Variants in STAB1 observed in about 807,000 individuals in gnomAD.
STAB1 encodes the protein stabilin 1.
A neutral mutation model predicts 332.4 loss-of-function variants in STAB1; 250 were observed. That is an observed-to-expected ratio of 0.75 (90% CI 0.68 to 0.84). STAB1 has a LOEUF of 0.84. Ranked by LOEUF, STAB1 falls within the 40% of genes least tolerant of loss-of-function variation. The pLI is 0.00. For missense variants in STAB1, 3,249 were observed against 3,489.7 expected (o/e 0.93, Z 1.74); for synonymous variants, 1,475 against 1,390.4 (o/e 1.06, Z -1.35).
chr3:52,522,270 C>T, intron 59 of STAB1, 40 bp downstream of exon 59: 1 of 1,611,244 alleles, frequency 6.2e-7, no homozygotes, highest in Non-Finnish European at 8.5e-7. Flanking sequence ...GGTGGGGAGG[C>T]CTGGCAGAAC....
rs916586772 is a variant in STAB1, at chr3:52,518,632, G to A, written c.4887+19G>A. ...GTCGCAGGTATGCAGCCCCCAGAGC[G>A]AGGCTGGGCAGGGCTGGGTGCTCTG... On this transcript the variant is annotated intron_variant, in intron 47 of 68. Coordinates refer to ENST00000321725, the MANE Select transcript of STAB1 (RefSeq NM_015136.3). 1 of 1,610,172 alleles carries A rather than the reference G, an allele frequency of 6.2e-7. No homozygotes were observed. The highest frequency in any genetic ancestry group is 1.3e-5 in the African/African-American group (1 of 74,868).
In STAB1 at chr3:52,505,399, G is replaced by A. The variant is rs747409400; in HGVS notation, c.1581+18G>A. ...TCCTGGAGGTAAGCTCGGGGGAGGG[G>A]TCCTAGCCCATGTGGGCTTCTGGGC... On this transcript the variant is annotated intron_variant, in intron 14 of 68. Coordinates refer to ENST00000321725, the MANE Select transcript of STAB1 (RefSeq NM_015136.3). 4 of 1,610,906 alleles carry A rather than the reference G, an allele frequency of 2.5e-6. No individual in the cohort carries two copies. The South Asian group carries it at 3.3e-5, about 13-fold the overall frequency.
At chr3:52,515,556 G>T (rs1211236665) in intron 37 of STAB1, 50 bp downstream of exon 37, 1 of 1,599,222 alleles carries the variant, frequency 6.3e-7, no homozygotes, top group South Asian at 1.1e-5. Context: ...AAGGAGGTGG[G>T]AGTGGGTGGG....
Position 52,522,749 on chromosome 3 carries a change from CT to C in STAB1, c.6745-24del, listed in dbSNP as rs750312990. 16 of 1,612,742 alleles carry C rather than the reference CT, an allele frequency of 9.9e-6. No homozygotes were observed. The South Asian group carries it at 1.5e-4, about 15-fold the overall frequency. The stretch of plus-strand genomic sequence containing the variant: ...GGGAGGCCTTGACTGGGTCTTGGGT[CT>C]TAGTATCCCCTCCTGTTCCTACAGC... On this transcript the variant is annotated intron_variant, in intron 61 of 68. Coordinates refer to ENST00000321725, the MANE Select transcript of STAB1 (RefSeq NM_015136.3).
Position 52,518,818 on chromosome 3 carries a change from G to C in STAB1, c.4983G>C (p.Gln1661His). 6.2e-7 allele frequency: 1 copy of C among 1,610,624 alleles called. No homozygotes were observed. The highest frequency in any genetic ancestry group is 8.5e-7 in the Non-Finnish European group (1 of 1,179,618). The change falls in exon 48 of 69, where the codon CAG becomes CAC. Residue 1661 changes from glutamine (Q) to histidine (H), a missense_variant. Physicochemically the swap from Gln to His is conservative, Grantham distance 24 (BLOSUM62 0). Transcript: ENST00000321725. ...TGCGGAGCGAGGACCTGCTGGAGCA[G>C]GGGTACGCCACGGCCCTCTCAGGGC... Reference protein sequence around the residue: ...RRLRSEDLLEQGYATALSGHP... With the variant: ...RRLRSEDLLEHGYATALSGHP...
Position 52,516,548 on chromosome 3 carries a change from C to T in STAB1, c.4247C>T (p.Thr1416Ile), listed in dbSNP as rs751558057. The T allele has an allele frequency of 1.2e-6, 2 of 1,613,194 alleles. No homozygotes were observed. The highest frequency in any genetic ancestry group is 1.1e-5 in the South Asian group (1 of 91,086). The change falls in exon 40 of 69, where the codon ACC becomes ATC. Residue 1416 changes from threonine to isoleucine, a missense_variant. Coordinates refer to ENST00000321725, the MANE Select transcript of STAB1 (RefSeq NM_015136.3). ...TCATCCTCCTGCCCCCCAGAAATCA[C>T]CAGCCCTCAGTGCCCTAGGAAGTGC... ...WQGLRCDQKITSPQCPRKCDP... is the reference protein window; with the variant it reads ...WQGLRCDQKIISPQCPRKCDP...
intron 1 of STAB1, among the ~76,000 whole-genome samples, chr3:52,496,845 C>CT (rs1446538125): frequency 6.6e-6 from 1 of 152,230 alleles, no homozygotes; most frequent in Non-Finnish European, 1.5e-5. Flanking sequence ...GCTGGCCACT[C>CT]TAACACAGCT....
intron 1 of STAB1, among the ~76,000 whole-genome samples, chr3:52,495,865 A>G (rs1707981555): frequency 6.6e-6 from 1 of 152,196 alleles, no homozygotes; most frequent in Non-Finnish European, 1.5e-5. Flanking sequence ...CCCGAGGACT[A>G]CAGATTCACG....
In STAB1 at chr3:52,517,600, C is replaced by A. The variant is rs776251701; in HGVS notation, c.4614C>A (p.Cys1538Ter). 1.9e-6 allele frequency: 3 copies of A among 1,612,764 alleles called. No individual in the cohort carries two copies. Among genetic ancestry groups the A allele is most frequent in the African/African-American group, 2.7e-5 (2 of 74,898 alleles). Reference protein sequence around the residue: ...EGYSGDGIRTCELLDPCSKNN... With the variant: ...EGYSGDGIRT ...ACAGCGGGGATGGCATCCGGACCTG[C>A]GAGCTCCTGGACCCCTGCTCTAAGG... The change falls in exon 44 of 69, where the codon TGC becomes TGA. Residue 1538 changes from cysteine to a stop codon, truncating the protein, a stop_gained. Transcript: ENST00000321725. LOFTEE classifies it high-confidence loss of function.
chr3:52,508,475 C>T (rs750104321), intron 21 of STAB1, 116 bp downstream of exon 21: 1 of 922,612 alleles, frequency 1.1e-6, no homozygotes, highest in East Asian at 2.5e-5. Flanking sequence ...TTGGGATTCT[C>T]ATATCTATGC....
At chr3:52,497,250 A>G (rs1023374866) in intron 1 of STAB1, among the ~76,000 whole-genome samples, 3 of 152,048 alleles carry the variant, frequency 2.0e-5, no homozygotes, top group African/African-American at 7.2e-5. Context: ...TCAGCCTCCC[A>G]AAGTGCTGGG....
Position 52,514,601 on chromosome 3 carries a change from G to T in STAB1, c.3679-100G>T, listed in dbSNP as rs748345292. ...TGTGAGCCTCCAACCTCTAACCTCT[G>T]CTCCAGGGAGCCCCCCGGCCCTGGA... On this transcript the variant is annotated intron_variant, in intron 34 of 68. Coordinates refer to ENST00000321725, the MANE Select transcript of STAB1 (RefSeq NM_015136.3). The T allele has an allele frequency of 8.0e-4, 1,264 of 1,578,656 alleles. 2 individuals carry two copies. Among genetic ancestry groups the T allele is most frequent in the Non-Finnish European group, 8.3e-4 (960 of 1,161,288 alleles).
intron 1 of STAB1, among the ~76,000 whole-genome samples, chr3:52,497,020 G>A (rs1170126515): frequency 6.6e-6 from 1 of 151,872 alleles, no homozygotes; most frequent in Non-Finnish European, 1.5e-5. Context: ...TTTTTCTTTT[G>A]AGGTGGAGTC....
rs1476400796 is a variant in STAB1 at position 52,517,583 on chromosome 3, G to A, written c.4597G>A (p.Asp1533Asn). The change falls in exon 44 of 69, where the codon GAT becomes AAT. Residue 1533 changes from aspartate to asparagine, a missense_variant. Physicochemically the swap from Asp to Asn is conservative, Grantham distance 23. Coordinates refer to ENST00000321725, the MANE Select transcript of STAB1 (RefSeq NM_015136.3). ...CAGCTGCCGTGAGGGTTACAGCGGG[G>A]ATGGCATCCGGACCTGCGAGCTCCT... is the stretch of plus-strand genomic sequence containing the variant. ...SCSCREGYSGDGIRTCELLDP... is the reference protein window; with the variant it reads ...SCSCREGYSGNGIRTCELLDP... The A allele has an allele frequency of 1.4e-5, 23 of 1,612,816 alleles. No homozygotes were observed. Among genetic ancestry groups the A allele is most frequent in the Non-Finnish European group, 1.9e-5 (22 of 1,179,926 alleles).
chr3:52,504,268 C>T, intron 10 of STAB1, 113 bp downstream of exon 10: 1 of 1,493,386 alleles, frequency 6.7e-7, no homozygotes, highest in Non-Finnish European at 9.0e-7. Flanking sequence ...GCTGTGGGAA[C>T]AAACAGGTGG....
intron 45 of STAB1, 69 bp from the exon 46 acceptor site, chr3:52,518,243 G>A: frequency 1.9e-6 from 3 of 1,599,998 alleles, no homozygotes; most frequent in Middle Eastern, 1.7e-4. Flanking sequence ...TTGGGCCGCA[G>A]GTGCTGGGAC....
chr3:52,524,288 C>G lies in STAB1; in HGVS notation c.7657-12C>G. 1 of 1,613,904 alleles carries G rather than the reference C, an allele frequency of 6.2e-7. No homozygotes were observed. The highest frequency in any genetic ancestry group is 8.5e-7 in the Non-Finnish European group (1 of 1,179,956). On this transcript the variant is annotated splice_polypyrimidine_tract_variant and intron_variant, in intron 68 of 68. Transcript: ENST00000321725. ...CTGGTCACACCCTCCACCACCAACC[C>G]TGCTCTTCTAGGACTCACTGCTGGA...
chr3:52,508,945 C>T (rs1232864892), intron 21 of STAB1, among the ~76,000 whole-genome samples: 1 of 152,126 alleles, frequency 6.6e-6, no homozygotes, highest in East Asian at 1.9e-4. Context: ...TGTAATATCA[C>T]GGTTACTTTA....
chr3:52,524,055 ATCTCGCTTGAGGCGCCTCGCCAC>A, intron 67 of STAB1, 22 bp from the exon 68 acceptor site: 1 of 1,612,188 alleles, frequency 6.2e-7, no homozygotes, highest in Non-Finnish European at 8.5e-7. Flanking sequence ...GGGTCCTTGG[ATCTCGCTTGAGGCGCCTCGCCAC>A]TCACCCCTCT....
Sources: gnomAD v4.1 joint callset for allele counts (sites outside exome capture counted in the v4.1 genomes callset) on GRCh38, gnomAD v4.1.1 for gene constraint, MANE v1.5 for transcripts, NCBI Gene and HGNC (gene_info 2026-07-23, HGNC 2026-07-21) for gene names.